Variants in APPL2 observed in about 807,000 individuals in gnomAD.
The protein encoded by APPL2 is adaptor protein, phosphotyrosine interacting with PH domain and leucine zipper 2.
Under a neutral mutation model 92.7 loss-of-function variants are expected in APPL2, and 84 were observed. That is an observed-to-expected ratio of 0.91 (90% CI 0.76 to 1.09). The LOEUF is 1.09. Ranked by LOEUF, APPL2 falls within the 50% of genes least tolerant of loss-of-function variation. The pLI, the probability that APPL2 is intolerant of heterozygous loss-of-function variation, is 0.00. For missense variants in APPL2, 736 were observed against 824.5 expected (o/e 0.89, Z 1.31); for synonymous variants, 291 against 291.0 (o/e 1.00, Z 0.00).
chr12:105,226,862 G>C (rs182952821), intron 2 of APPL2, among the ~76,000 whole-genome samples: 52 of 152,232 alleles, frequency 3.4e-4, no homozygotes, highest in African/African-American at 1.2e-3. Context: ...ATTAAAACTA[G>C]TTCTAGCTAC....
At chr12:105,234,727 AC>A (rs1891127545) in intron 1 of APPL2, among the ~76,000 whole-genome samples, 2 of 152,220 alleles carry the variant, frequency 1.3e-5, no homozygotes, top group South Asian at 4.1e-4. Context: ...ATGAACATGG[AC>A]AAAATGCCTT....
Position 105,208,209 on chromosome 12 carries a change from A to G in APPL2, c.374-10T>C. The G allele has an allele frequency of 6.2e-7, 1 of 1,614,218 alleles. No individual in the cohort carries two copies. The highest frequency in any genetic ancestry group is 8.5e-7 in the Non-Finnish European group (1 of 1,180,018). Reference sequence around the variant, plus strand: ...TTTAAAGTGCTTACTTCTGAAAAGGAGAAAAGGGACCGTCTTAGAGCAATG... The same window carrying G: ...TTTAAAGTGCTTACTTCTGAAAAGGGGAAAAGGGACCGTCTTAGAGCAATG... On this transcript the variant is annotated splice_polypyrimidine_tract_variant and intron_variant, in intron 5 of 20. Coordinates refer to ENST00000258530, the MANE Select transcript of APPL2 (RefSeq NM_018171.5).
At chr12:105,177,560 A>G (rs1885675697) in intron 17 of APPL2, 1 of 403,508 alleles carries the variant, frequency 2.5e-6, no homozygotes, top group African/African-American at 2.0e-5. Context: ...CAGATCTGCT[A>G]TATAATATGG....
intron 17 of APPL2, among the ~76,000 whole-genome samples, chr12:105,181,609 T>C (rs573683404): frequency 6.6e-6 from 1 of 152,314 alleles, no homozygotes; most frequent in South Asian, 2.1e-4. Flanking sequence ...TTTTGGTTGG[T>C]AGGCTATTAA....
chr12:105,199,575 C>T (rs1328161623), intron 9 of APPL2, 44 bp from the exon 10 acceptor site: 2 of 1,584,408 alleles, frequency 1.3e-6, no homozygotes, highest in Admixed American at 1.7e-5. Flanking sequence ...TGCTGGCCAA[C>T]CCAGCACTAC....
At chr12:105,211,186 C>T (rs765252962) in intron 5 of APPL2, 44 bp downstream of exon 5, 10 of 1,298,240 alleles carry the variant, frequency 7.7e-6, no homozygotes, top group South Asian at 4.8e-5. Context: ...AAATGCATTA[C>T]ACAATATTTT....
At chr12:105,206,687 G>C (rs1406398150) in intron 8 of APPL2, among the ~76,000 whole-genome samples, 1 of 152,212 alleles carries the variant, frequency 6.6e-6, no homozygotes. Context: ...ACTACAGGCA[G>C]CAAGGAGTGC....
chr12:105,175,046 G>A (rs1196867), intron 20 of APPL2, among the ~76,000 whole-genome samples: 55,793 of 151,914 alleles, frequency 0.37, 11,165 homozygotes, highest in Middle Eastern at 0.54. Flanking sequence ...ACCACACCCG[G>A]CTAATTTTTG....
chr12:105,228,498 T>C (rs1165028675), intron 2 of APPL2, among the ~76,000 whole-genome samples: 1 of 152,230 alleles, frequency 6.6e-6, no homozygotes, highest in Non-Finnish European at 1.5e-5. Flanking sequence ...TACCATAATA[T>C]TGTGATGTGT....
intron 1 of APPL2, among the ~76,000 whole-genome samples, chr12:105,234,455 C>A (rs187759330): frequency 2.0e-5 from 3 of 152,316 alleles, no homozygotes; most frequent in East Asian, 3.9e-4. Flanking sequence ...CACAGCTGGG[C>A]AAATCCTTTA....
At chr12:105,189,925 AG>A in intron 15 of APPL2, 65 bp downstream of exon 15, 1 of 1,610,828 alleles carries the variant, frequency 6.2e-7, no homozygotes, top group Non-Finnish European at 8.5e-7. Flanking sequence ...TTGGTGGTGG[AG>A]GGGGACACAA....
At chr12:105,186,952 A>G (rs1239676627) in intron 17 of APPL2, among the ~76,000 whole-genome samples, 1 of 151,910 alleles carries the variant, frequency 6.6e-6, no homozygotes, top group African/African-American at 2.4e-5. Context: ...GTTGAGTTTT[A>G]TAAGAGTTCT....
chr12:105,220,839 G>A (rs112273991), intron 2 of APPL2, among the ~76,000 whole-genome samples: 32 of 152,352 alleles, frequency 2.1e-4, no homozygotes, highest in African/African-American at 5.3e-4. Context: ...GGGGCACAGC[G>A]TGCAACACAC....
In APPL2 at chr12:105,216,823, G is replaced by A. The variant is rs7310425; in HGVS notation, c.285+246C>T. On this transcript the variant is annotated intron_variant, in intron 4 of 20. Transcript: ENST00000258530. ...ACTAATATACTCTCCTTTAGAAACC[G>A]AATTCTCAGAAATCTTTCTTTTGGT... Among the ~76,000 whole-genome samples, 153 of 152,238 alleles carry A rather than the reference G, an allele frequency of 1.0e-3. 2 individuals carry two copies. Among genetic ancestry groups the A allele is most frequent in the African/African-American group, 3.3e-3 (135 of 41,538 alleles).
chr12:105,199,177 C>T (rs1887920663), intron 10 of APPL2, among the ~76,000 whole-genome samples, 196 bp downstream of exon 10: 1 of 152,198 alleles, frequency 6.6e-6, no homozygotes, highest in Non-Finnish European at 1.5e-5. Context: ...TTTCCAGCCC[C>T]ATCTCTTAGT....
In APPL2 at chr12:105,195,512, C is replaced by T. The variant is rs1358523596; in HGVS notation, c.1096-11G>A. 3 of 1,614,110 alleles carry T rather than the reference C, an allele frequency of 1.9e-6. No homozygotes were observed. The highest frequency in any genetic ancestry group is 1.7e-6 in the Non-Finnish European group (2 of 1,180,002). On this transcript the variant is annotated splice_polypyrimidine_tract_variant and intron_variant, in intron 12 of 20. Coordinates refer to ENST00000258530, the MANE Select transcript of APPL2 (RefSeq NM_018171.5). Reference sequence around the variant, plus strand: ...TATTGCACATATCCACTGTAGAGGACATTAAAAAAGAACACTGAATCCCAA... The same window carrying T: ...TATTGCACATATCCACTGTAGAGGATATTAAAAAAGAACACTGAATCCCAA...
intron 8 of APPL2, among the ~76,000 whole-genome samples, chr12:105,204,332 T>C (rs1592798350): frequency 6.6e-6 from 1 of 152,304 alleles, no homozygotes; most frequent in East Asian, 1.9e-4. Context: ...GGCTCGTCTG[T>C]CTGACCTGGA....
intron 5 of APPL2, among the ~76,000 whole-genome samples, chr12:105,209,072 T>C (rs1413412521): frequency 6.6e-6 from 1 of 152,172 alleles, no homozygotes; most frequent in Non-Finnish European, 1.5e-5. Context: ...TTTTCTTTCT[T>C]TCTCTCCCAT....
chr12:105,200,077 G>A (rs1398071138), intron 9 of APPL2, among the ~76,000 whole-genome samples: 5 of 151,654 alleles, frequency 3.3e-5, no homozygotes, highest in East Asian at 3.9e-4. Context: ...CTTGTGATCC[G>A]CCTGCCTCGG....
Sources: gnomAD v4.1 joint callset for allele counts (sites outside exome capture counted in the v4.1 genomes callset) on GRCh38, gnomAD v4.1.1 for gene constraint, MANE v1.5 for transcripts, NCBI Gene and HGNC (gene_info 2026-07-23, HGNC 2026-07-21) for gene names.